The following EPB41L3 variants were observed in gnomAD, a reference collection of about 807,000 sequenced individuals.
The protein encoded by EPB41L3 is erythrocyte membrane protein band 4.1 like 3.
A neutral mutation model predicts 127.1 loss-of-function variants in EPB41L3; 57 were observed. That is an observed-to-expected ratio of 0.45 (90% CI 0.36 to 0.56). The LOEUF is 0.56. Among genes scored for constraint, EPB41L3 ranks in the 20% least tolerant of loss-of-function variants. EPB41L3 has a pLI of 0.00. For synonymous variants in EPB41L3, 572 were observed against 549.5 expected, an observed-to-expected ratio of 1.04 and a Z score of -0.57; for missense variants, 1,273 against 1,372.2, an observed-to-expected ratio of 0.93 and a Z score of 1.14.
intron 3 of EPB41L3, chr18:5,612,258 AT>A (rs2094735551): frequency 6.6e-6 from 1 of 152,210 alleles, no homozygotes; most frequent in Non-Finnish European, 1.5e-5. Flanking sequence ...AATTCAAGAA[AT>A]TTTGTCTTAT....
intron 3 of EPB41L3, among the ~76,000 whole-genome samples, chr18:5,462,844 C>T (rs764435636): frequency 5.9e-5 from 9 of 152,212 alleles, no homozygotes; most frequent in Non-Finnish European, 1.0e-4. Context: ...ACAGTATACC[C>T]AGTTGCAATA....
At chr18:5,403,572 C>T (rs2074865521) in intron 16 of EPB41L3, among the ~76,000 whole-genome samples, 1 of 148,378 alleles carries the variant, frequency 6.7e-6, no homozygotes, top group Admixed American at 6.7e-5. Context: ...CTTCAAAGTA[C>T]CATTTTGTCA....
intron 3 of EPB41L3, among the ~76,000 whole-genome samples, chr18:5,579,310 T>C (rs1165880877): frequency 1.3e-5 from 2 of 152,144 alleles, no homozygotes; most frequent in Non-Finnish European, 2.9e-5. Flanking sequence ...GACAAGGAAA[T>C]TGCCAAATGG....
intron 14 of EPB41L3, among the ~76,000 whole-genome samples, chr18:5,409,378 C>A (rs2075904775): frequency 6.6e-6 from 1 of 152,092 alleles, no homozygotes; most frequent in Non-Finnish European, 1.5e-5. Flanking sequence ...GGATGTACTA[C>A]CCTGTGGCTA....
intron 16 of EPB41L3, chr18:5,400,031 T>TG (rs1203085029): frequency 6.5e-6 from 1 of 154,532 alleles, no homozygotes; most frequent in Non-Finnish European, 1.4e-5. Flanking sequence ...TTTTAAAAGA[T>TG]GGGGTCTCCC....
intron 1 of EPB41L3, among the ~76,000 whole-genome samples, chr18:5,621,558 G>C (rs2094862779): frequency 6.6e-6 from 1 of 152,106 alleles, no homozygotes; most frequent in African/African-American, 2.4e-5. Flanking sequence ...GGGAAATACA[G>C]CAAGACCTCA....
At chr18:5,601,565 T>C (rs1263215317) in intron 3 of EPB41L3, among the ~76,000 whole-genome samples, 1 of 152,192 alleles carries the variant, frequency 6.6e-6, no homozygotes, top group African/African-American at 2.4e-5. Context: ...GACAAACTTC[T>C]GCTGACAGCT....
intron 13 of EPB41L3, among the ~76,000 whole-genome samples, chr18:5,415,090 C>T (rs2076637729): frequency 6.6e-6 from 1 of 152,246 alleles, no homozygotes; most frequent in Non-Finnish European, 1.5e-5. Context: ...GGTGAAATTT[C>T]AGCCTGCCTT....
At chr18:5,450,835 T>C (rs974873552) in intron 3 of EPB41L3, among the ~76,000 whole-genome samples, 4 of 150,600 alleles carry the variant, frequency 2.7e-5, no homozygotes, top group Non-Finnish European at 5.9e-5. Context: ...CAGTGTAGAT[T>C]CTCCTGTTTG....
chr18:5,552,251 C>T (rs2093976993), intron 3 of EPB41L3, among the ~76,000 whole-genome samples: 1 of 152,196 alleles, frequency 6.6e-6, no homozygotes, highest in Admixed American at 6.5e-5. Context: ...TAGCTGGCTA[C>T]CCAGTTCATA....
chr18:5,438,061 A>G lies in EPB41L3; in HGVS notation c.579T>C (p.Pro193=). 6.2e-7 allele frequency: 1 copy of G among 1,613,950 alleles called. No individual in the cohort carries two copies. Among genetic ancestry groups the G allele is most frequent in the Non-Finnish European group, 8.5e-7 (1 of 1,179,936 alleles). Residue 193 remains proline (P), a synonymous_variant, in exon 6 of 23, where the codon CCT becomes CCC. Transcript: ENST00000341928. ...SFNVKFYPPD[P]AQLSEDITRY... ...TGGTGATATCTTCAGATAGTTGGGC[A>G]GGGTCTGGTGGATAAAATTTCACAT...
At chr18:5,593,806 C>A (rs1568620564) in intron 3 of EPB41L3, among the ~76,000 whole-genome samples, 3 of 152,186 alleles carry the variant, frequency 2.0e-5, no homozygotes, top group African/African-American at 7.2e-5. Context: ...CAGGGATGTT[C>A]TTTGCTGAGA....
chr18:5,630,332 C>T (rs771822957), upstream of EPB41L3: 6 of 515,942 alleles, frequency 1.2e-5, no homozygotes, highest in South Asian at 7.0e-5. Flanking sequence ...GGCTAGGCGG[C>T]GCTCCCGGCC....
Position 5,397,388 on chromosome 18 carries a change from C to T in EPB41L3, c.2511G>A (p.Thr837=), listed in dbSNP as rs190403676. The T allele has an allele frequency of 2.1e-4, 342 of 1,613,706 alleles. 1 individual carries two copies. The highest frequency in any genetic ancestry group is 8.8e-5 in the Non-Finnish European group (104 of 1,179,900). Reference sequence around the variant, plus strand: ...GCGGCAGGTGGTGCACGGTGGGTTCCGTCTCTATTCCACTGGACTCCGTCT... The same window carrying T: ...GCGGCAGGTGGTGCACGGTGGGTTCTGTCTCTATTCCACTGGACTCCGTCT... The part of the protein sequence containing the change: ...ETKTESSGIE[T]EPTVHHLPLS... Residue 837 remains threonine, a synonymous_variant, in exon 18 of 23, where the codon ACG becomes ACA. Transcript: ENST00000341928. This position sits in a 1 kb window ranked among gnomAD's most constrained non-coding sequence, Gnocchi z 4.1.
chr18:5,394,908 A>G lies in EPB41L3; in HGVS notation c.3154-115T>C, dbSNP rs878916287. ...TATATCCACAATTTACAAATGAGGT[A>G]CAATGATTACAAAAGGAATCATAAA... On this transcript the variant is annotated intron_variant, in intron 21 of 22. Transcript: ENST00000341928. The G allele has an allele frequency of 5.0e-5, 59 of 1,189,584 alleles. 1 individual carries two copies. In the South Asian group the frequency reaches 6.6e-4, roughly 13 times the overall value. The allele number at this position is 1,189,584 out of a possible 1,614,324, so 73.7% of individuals were successfully genotyped here.
intron 3 of EPB41L3, among the ~76,000 whole-genome samples, chr18:5,589,437 A>G (rs574944573): frequency 3.6e-4 from 55 of 152,316 alleles, no homozygotes; most frequent in Non-Finnish European, 5.9e-4. Context: ...GGAAAAATAT[A>G]GCAATAAAGC....
At chr18:5,421,007 C>G (rs936883433) in intron 11 of EPB41L3, among the ~76,000 whole-genome samples, 1 of 152,204 alleles carries the variant, frequency 6.6e-6, no homozygotes, top group African/African-American at 2.4e-5. Flanking sequence ...AGGCCATTCT[C>G]TGTGAGATGC....
chr18:5,410,388 G>A (rs2076048278), intron 14 of EPB41L3, among the ~76,000 whole-genome samples, 178 bp downstream of exon 14: 1 of 152,188 alleles, frequency 6.6e-6, no homozygotes, highest in Non-Finnish European at 1.5e-5. Context: ...TAATTCTGAT[G>A]TAGGCCAGAG....
chr18:5,457,784 G>A (rs190471051), intron 3 of EPB41L3, among the ~76,000 whole-genome samples: 3 of 152,110 alleles, frequency 2.0e-5, no homozygotes, highest in East Asian at 3.9e-4. Flanking sequence ...TCCACGCCCC[G>A]AAGCCTTCTA....
Sources: allele counts gnomAD v4.1 joint callset (sites outside exome capture counted in the v4.1 genomes callset), GRCh38; gene constraint gnomAD v4.1.1; non-coding constraint Gnocchi (gnomAD v3.1); transcripts MANE v1.5; gene names NCBI Gene and HGNC (gene_info 2026-07-23, HGNC 2026-07-21).